The following FADS1 variants were observed in gnomAD, a reference collection of about 807,000 sequenced individuals.
FADS1 encodes the protein acyl-CoA (8-3)-desaturase.
Under a neutral mutation model 61.6 loss-of-function variants are expected in FADS1, and 17 were observed. That is an observed-to-expected ratio of 0.28 (90% confidence interval 0.19 to 0.41). FADS1 has a LOEUF of 0.41. Among genes scored for constraint, FADS1 ranks in the 10% least tolerant of loss-of-function variants. The probability of loss-of-function intolerance (pLI) is 1.00; values close to 1 mark genes in which losing one functional copy is unlikely to be tolerated. For missense variants in FADS1, 387 were observed against 650.9 expected (o/e 0.59, Z 4.41); for synonymous variants, 238 against 258.7 (o/e 0.92, Z 0.77).
rs140191296 is a variant in FADS1, at chr11:61,801,561, T to G, written c.*850A>C. 3 of 152,460 alleles carry G rather than the reference T, an allele frequency of 2.0e-5. No homozygotes were observed. The East Asian group carries it at 5.6e-4, about 29-fold the overall frequency. 9.4% of individuals were successfully genotyped at this position (152,460 alleles called of 1,614,324 possible). On this transcript the variant is annotated 3_prime_UTR_variant, in exon 12 of 12. Transcript: ENST00000350997. ...AGACCCTGGAGGGAATAAACCAAAA[T>G]CAGTGGTTCCAGGATCCTTCAGAGC...
chr11:61,801,354 G>C lies in FADS1; in HGVS notation c.*1057C>G, dbSNP rs745609930. ...GTTTCTAGGGAGAAAAGACTAACTT[G>C]TCCCATCTGCTCACTTGCTTATGGA... On this transcript the variant is annotated 3_prime_UTR_variant, in exon 12 of 12. Transcript: ENST00000350997. The C allele has an allele frequency of 7.2e-5, 11 of 152,304 alleles. No individual in the cohort carries two copies. The highest frequency in any genetic ancestry group is 1.6e-4 in the Non-Finnish European group (11 of 68,020). 9.4% of individuals were successfully genotyped at this position (152,304 alleles called of 1,614,324 possible). A position where few individuals can be genotyped will look rare whatever the true frequency, so the allele number is the denominator to read the frequency against.
At position 61,816,839 on chromosome 11, in the gene FADS1, T is replaced by A; in HGVS notation, c.91A>T (p.Ile31Phe). ...RRLALGARQQ[I>F]HSWSPRTPST... ...GGGGTCCGCGGGCTCCAGGAGTGGATTTGCTGGCGCGCGCCCAGAGCCAGC... is the reference window on the plus strand; with the variant it reads ...GGGGTCCGCGGGCTCCAGGAGTGGAATTGCTGGCGCGCGCCCAGAGCCAGC... The change falls in exon 1 of 12, where the codon ATC becomes TTC. Residue 31 changes from isoleucine to phenylalanine, a missense_variant. Transcript: ENST00000350997. The surrounding 1 kb of genome is among the most constrained non-coding windows in gnomAD (Gnocchi z 7.0). The A allele has an allele frequency of 6.7e-7, 1 of 1,488,684 alleles. No individual in the cohort carries two copies. The highest frequency in any genetic ancestry group is 2.3e-5 in the Admixed American group (1 of 42,718). 92.2% of individuals were successfully genotyped at this position (1,488,684 alleles called of 1,614,324 possible). A position where few individuals can be genotyped will look rare whatever the true frequency, so the allele number is the denominator to read the frequency against.
At position 61,816,906 on chromosome 11, in the gene FADS1, G is replaced by GACGC; in HGVS notation, c.23_24insGCGT (p.Ala9ArgfsTer9). 6 of 1,409,672 alleles carry GACGC rather than the reference G, an allele frequency of 4.3e-6. No homozygotes were observed. Among genetic ancestry groups the GACGC allele is most frequent in the Non-Finnish European group, 5.5e-6 (6 of 1,094,058 alleles). 87.3% of individuals were successfully genotyped at this position (1,409,672 alleles called of 1,614,324 possible). ...TTTCAGCACCGCAGGGCAGACCGGC[G>GACGC]GGCCTCGCAGCGCGCGTTCCCATTG... On this transcript the variant is annotated frameshift_variant, in exon 1 of 12. Transcript: ENST00000350997. LOFTEE classifies it high-confidence loss of function. The surrounding 1 kb of genome is among the most constrained non-coding windows in gnomAD (Gnocchi z 7.0).
At chr11:61,812,415 G>T in intron 3 of FADS1, 56 bp downstream of exon 3, 1 of 1,551,718 alleles carries the variant, frequency 6.4e-7, no homozygotes, top group Non-Finnish European at 8.9e-7. Flanking sequence ...CACCCAAGGA[G>T]CTTTCCCCAG....
intron 1 of FADS1, chr11:61,814,855 A>G (rs2066962824): frequency 6.6e-6 from 1 of 152,232 alleles, no homozygotes; most frequent in Non-Finnish European, 1.5e-5. Flanking sequence ...AGCTGGCTTC[A>G]CCTCTCAGGG....
chr11:61,812,779 C>G, intron 2 of FADS1, 111 bp from the exon 3 acceptor site: 1 of 922,098 alleles, frequency 1.1e-6, no homozygotes. Flanking sequence ...TGTGGGAAGT[C>G]CACAGTCCTA....
At chr11:61,812,172 TA>T (rs1179932372) in intron 3 of FADS1, among the ~76,000 whole-genome samples, 1 of 152,184 alleles carries the variant, frequency 6.6e-6, no homozygotes, top group Non-Finnish European at 1.5e-5. Context: ...CAAGCTTTGC[TA>T]AGAAACCAGA....
rs1464031638 is a variant in FADS1, at chr11:61,805,576, C to CTTCT, written c.977-819_977-816dup. 2.6e-5 allele frequency: 4 copies of CTTCT among 152,352 alleles called. No homozygotes were observed. In the South Asian group the frequency reaches 6.2e-4, roughly 24 times the overall value. The allele number at this position is 152,352 out of a possible 1,614,324, so 9.4% of individuals were successfully genotyped here. ...TTCTTCCAGAGGTCTCTGCTCTACC[C>CTTCT]TTCTGCCCCATCGCCTTTCTCTATT... On this transcript the variant is annotated intron_variant, in intron 6 of 11. Transcript: ENST00000350997.
rs1397541182 is a variant in FADS1 at position 61,802,373 on chromosome 11, TTCC to T, written c.*35_*37del. 5.5e-5 allele frequency: 85 copies of T among 1,542,916 alleles called. No homozygotes were observed. Among genetic ancestry groups the T allele is most frequent in the Non-Finnish European group, 6.9e-5 (78 of 1,136,262 alleles). ...TCCCCTCTGCCTTGGCTCCAGAGTCTTCCTCCTCTTCTTCCAGACTGGGCAGGG... is the reference window on the plus strand; with the variant it reads ...TCCCCTCTGCCTTGGCTCCAGAGTCTTCCTCTTCTTCCAGACTGGGCAGGG... On this transcript the variant is annotated 3_prime_UTR_variant, in exon 12 of 12. Transcript: ENST00000350997. The surrounding 1 kb of genome is among the most constrained non-coding windows in gnomAD (Gnocchi z 4.2).
Position 61,801,241 on chromosome 11 carries a change from C to A in FADS1, c.*1170G>T, listed in dbSNP as rs2066853907. 1 of 152,248 alleles carries A rather than the reference C, an allele frequency of 6.6e-6. No homozygotes were observed. 9.4% of individuals were successfully genotyped at this position (152,248 alleles called of 1,614,324 possible). A position where few individuals can be genotyped will look rare whatever the true frequency, so the allele number is the denominator to read the frequency against. ...TTTCCTCATGACTGATAATTATCTC[C>A]CAATTTGGTCACTTCTGCTAATTGC... On this transcript the variant is annotated 3_prime_UTR_variant, in exon 12 of 12. Coordinates refer to ENST00000350997, the MANE Select transcript of FADS1 (RefSeq NM_013402.7).
Position 61,811,070 on chromosome 11 carries a change from C to T in FADS1, c.690G>A (p.Gln230=), listed in dbSNP as rs1460679546. The change falls in exon 4 of 12, where the codon CAG becomes CAA. Residue 230 remains glutamine (Q), a synonymous_variant. Coordinates refer to ENST00000350997, the MANE Select transcript of FADS1 (RefSeq NM_013402.7). ...CAAAGTCATGCTGCAGCCAGCCAGC[C>T]TGGGCCTAGGTGAGAAGAGTCAACA... ...CAVLLSAVQA[Q]AGWLQHDFGH... is the part of the protein sequence containing the mutation. 6.2e-7 allele frequency: 1 copy of T among 1,612,734 alleles called. No individual in the cohort carries two copies. Among genetic ancestry groups the T allele is most frequent in the African/African-American group, 1.3e-5 (1 of 74,912 alleles).
At position 61,813,306 on chromosome 11, in the gene FADS1, A is replaced by G. The variant is rs761434152; in HGVS notation, c.423T>C (p.Tyr141=). The G allele has an allele frequency of 8.7e-5, 140 of 1,613,500 alleles. No individual in the cohort carries two copies. Among genetic ancestry groups the G allele is most frequent in the Non-Finnish European group, 1.2e-4 (137 of 1,179,686 alleles). Residue 141 remains tyrosine, a synonymous_variant, in exon 2 of 12, where the codon TAT becomes TAC. Coordinates refer to ENST00000350997, the MANE Select transcript of FADS1 (RefSeq NM_013402.7). ...GTTCTCCAATCAGGAGAGAGTTCAT[A>G]TACTTCTTCACAAGGCCCTTGTTGA... is the stretch of plus-strand genomic sequence containing the variant. ...FHINKGLVKK[Y]MNSLLIGELS... is the part of the protein sequence containing the mutation.
rs994457785 is a variant in FADS1 at position 61,815,307 on chromosome 11, C to A, written c.375+1248G>T. The A allele has an allele frequency of 6.2e-6, 1 of 161,806 alleles. No homozygotes were observed. Among genetic ancestry groups the A allele is most frequent in the African/African-American group, 2.4e-5 (1 of 41,508 alleles). 10.0% of individuals were successfully genotyped at this position (161,806 alleles called of 1,614,324 possible). On this transcript the variant is annotated intron_variant, in intron 1 of 11. Transcript: ENST00000350997. The surrounding 1 kb of genome is among the most constrained non-coding windows in gnomAD (Gnocchi z 6.4). ...TTTCGTCTGCGCATGCGCCGGGACA[C>A]GCCTGCGCCCTTGGCCGCAGTCAGG...
intron 3 of FADS1, 134 bp from the exon 4 acceptor site, chr11:61,811,209 C>CATGGGTCCTAG: frequency 1.5e-6 from 1 of 655,782 alleles, no homozygotes; most frequent in Non-Finnish European, 2.7e-6. Context: ...AGTCAGGAAA[C>CATGGGTCCTAG]ATGGGTCCTA....
intron 5 of FADS1, among the ~76,000 whole-genome samples, chr11:61,809,970 G>A (rs934128138): frequency 7.9e-5 from 12 of 152,178 alleles, no homozygotes; most frequent in Non-Finnish European, 1.2e-4. Flanking sequence ...GTGTTTTAAC[G>A]ACAATTTAAT....
rs1405719435 is a variant in FADS1 at position 61,816,670 on chromosome 11, C to G, written c.260G>C (p.Gly87Ala). Residue 87 changes from glycine (G) to alanine (A), a missense_variant, in exon 1 of 12, where the codon GGG (glycine) becomes GCG (alanine). Around this residue, in one of 2 missense-constraint regions of FADS1, gnomAD observed 257 missense variants for 533.3 expected, o/e 0.48. Coordinates refer to ENST00000350997, the MANE Select transcript of FADS1 (RefSeq NM_013402.7). The surrounding 1 kb of genome is among the most constrained non-coding windows in gnomAD (Gnocchi z 7.0). Reference sequence around the variant, plus strand: ...GATCACTAGCCACCGCTCCTCGCACCCTGAGCGCTGGGCCACCTCGTCCCA... The same window carrying G: ...GATCACTAGCCACCGCTCCTCGCACGCTGAGCGCTGGGCCACCTCGTCCCA... ...FTWDEVAQRS[G>A]CEERWLVIDR... is the part of the protein sequence containing the mutation. The G allele has an allele frequency of 1.9e-6, 3 of 1,595,248 alleles. No homozygotes were observed. Among genetic ancestry groups the G allele is most frequent in the Non-Finnish European group, 2.6e-6 (3 of 1,171,680 alleles).
intron 7 of FADS1, 129 bp downstream of exon 7, chr11:61,804,556 G>T: frequency 1.4e-6 from 1 of 715,472 alleles, no homozygotes; most frequent in Non-Finnish European, 2.4e-6. Context: ...AGGAGGATCT[G>T]TGTCTGGTTC....
At position 61,803,886 on chromosome 11, in the gene FADS1, G is replaced by A; in HGVS notation, c.1054-119C>T. ...GGTTATCCAGACTCACTCATCTTCAGCTTCTCAGGGGTCCAATCCTGCAGT... is the reference window on the plus strand; with the variant it reads ...GGTTATCCAGACTCACTCATCTTCAACTTCTCAGGGGTCCAATCCTGCAGT... On this transcript the variant is annotated intron_variant, in intron 7 of 11. Transcript: ENST00000350997. This position sits in a 1 kb window ranked among gnomAD's most constrained non-coding sequence, Gnocchi z 4.3. 1.3e-6 allele frequency: 1 copy of A among 740,792 alleles called. No homozygotes were observed. The highest frequency in any genetic ancestry group is 2.3e-6 in the Non-Finnish European group (1 of 427,088). 45.9% of individuals were successfully genotyped at this position (740,792 alleles called of 1,614,324 possible).
In FADS1 at chr11:61,810,738, TACCTCCACGC is replaced by T. The variant is rs759067609; in HGVS notation, c.915+3_915+12del. On this transcript the variant is annotated splice_donor_5th_base_variant and intron_variant, in intron 5 of 11. Transcript: ENST00000350997. ...CTATTCCCCAAGACCTTTCCACTGA[TACCTCCACGC>T]ACCTCCACAGAGAGGATCTTCCCCA... 5.6e-6 allele frequency: 9 copies of T among 1,613,812 alleles called. No individual in the cohort carries two copies. In the African/African-American group the frequency reaches 9.3e-5, roughly 17 times the overall value.
Sources: allele counts gnomAD v4.1 joint callset (sites outside exome capture counted in the v4.1 genomes callset), GRCh38; gene constraint gnomAD v4.1.1; regional missense constraint gnomAD v4.1.1; non-coding constraint Gnocchi (gnomAD v3.1); transcripts MANE v1.5; gene names NCBI Gene and HGNC (gene_info 2026-07-23, HGNC 2026-07-21).